The following CSGALNACT1 variants were observed in gnomAD, a reference collection of about 807,000 sequenced individuals.
CSGALNACT1 encodes chondroitin sulfate N-acetylgalactosaminyltransferase 1.
Under a neutral mutation model 51.0 loss-of-function variants are expected in CSGALNACT1, and 52 were observed. The ratio of observed to expected loss-of-function variants is 1.02; its 90% CI spans 0.82 to 1.29. The LOEUF is 1.29. CSGALNACT1 is among the 50% of genes most tolerant of loss of function. The pLI is 0.00. For synonymous variants in CSGALNACT1, 341 were observed against 254.4 expected (o/e 1.34, Z -3.24); for missense variants, 935 against 679.2 (o/e 1.38, Z -4.19).
At chr8:19,655,350 A>G (rs2058166922) in intron 1 of CSGALNACT1, among the ~76,000 whole-genome samples, 1 of 151,856 alleles carries the variant, frequency 6.6e-6, no homozygotes, top group Admixed American at 6.6e-5. Context: ...GCACCTTCCT[A>G]TTTGCTAGTT....
intron 1 of CSGALNACT1, among the ~76,000 whole-genome samples, chr8:19,674,133 C>T (rs777721676): frequency 2.0e-5 from 3 of 151,974 alleles, no homozygotes; most frequent in East Asian, 1.9e-4. Context: ...ACTAAAAATA[C>T]GAAAAAAGAA....
At chr8:19,571,474 A>AAAAAC (rs896485777) in intron 3 of CSGALNACT1, among the ~76,000 whole-genome samples, 1 of 123,972 alleles carries the variant, frequency 8.1e-6, no homozygotes, top group African/African-American at 4.4e-5. Context: ...AAACAAAAAC[A>AAAAAC]AAAAAAAAAA....
intron 3 of CSGALNACT1, among the ~76,000 whole-genome samples, chr8:19,525,110 T>A (rs974857681): frequency 6.6e-6 from 1 of 152,230 alleles, no homozygotes; most frequent in South Asian, 2.1e-4. Flanking sequence ...CCCTTCAGTA[T>A]GGAAACTTTG....
intron 4 of CSGALNACT1, among the ~76,000 whole-genome samples, chr8:19,496,092 G>A (rs1044436021): frequency 4.6e-5 from 7 of 152,140 alleles, no homozygotes; most frequent in African/African-American, 1.7e-4. Flanking sequence ...GGAGCAGTAT[G>A]CTTGTTAACT....
At chr8:19,515,262 C>T (rs369234991) in intron 3 of CSGALNACT1, among the ~76,000 whole-genome samples, 1 of 152,158 alleles carries the variant, frequency 6.6e-6, no homozygotes, top group African/African-American at 2.4e-5. Context: ...ACCAAACTGC[C>T]GGGACTCCAC....
chr8:19,583,797 CA>C (rs1412775797), intron 3 of CSGALNACT1, among the ~76,000 whole-genome samples: 2 of 152,124 alleles, frequency 1.3e-5, no homozygotes, highest in African/African-American at 4.8e-5. Flanking sequence ...GAACTGCCAA[CA>C]AAAAAATAAT....
chr8:19,450,653 T>C (rs919201673), intron 5 of CSGALNACT1, among the ~76,000 whole-genome samples: 6 of 151,964 alleles, frequency 3.9e-5, no homozygotes, highest in African/African-American at 1.5e-4. Context: ...TCCCAACACT[T>C]TGGGAGGCTG....
At chr8:19,678,017 G>A (rs1310508516) in intron 1 of CSGALNACT1, among the ~76,000 whole-genome samples, 2 of 152,034 alleles carry the variant, frequency 1.3e-5, no homozygotes, top group East Asian at 3.9e-4. Context: ...TTGGGAGGCT[G>A]ACATGCTTGA....
chr8:19,660,309 T>G (rs2058650716), intron 1 of CSGALNACT1, among the ~76,000 whole-genome samples: 1 of 152,046 alleles, frequency 6.6e-6, no homozygotes, highest in Admixed American at 6.5e-5. Flanking sequence ...CAAACTTGAG[T>G]TACAGTCCAA....
At chr8:19,682,374 C>T in intron 1 of CSGALNACT1, 1 of 321,136 alleles carries the variant, frequency 3.1e-6, no homozygotes, top group Non-Finnish European at 6.2e-6. Context: ...CTTCCTAGGG[C>T]TCTTCTTAAT....
chr8:19,495,891 A>C (rs1398976287), intron 4 of CSGALNACT1, among the ~76,000 whole-genome samples: 1 of 152,198 alleles, frequency 6.6e-6, no homozygotes, highest in Non-Finnish European at 1.5e-5. Flanking sequence ...AAGGAACAAG[A>C]TATTACCTTT....
intron 4 of CSGALNACT1, among the ~76,000 whole-genome samples, chr8:19,503,549 C>T (rs907338174): frequency 2.6e-5 from 4 of 151,920 alleles, no homozygotes; most frequent in Admixed American, 6.6e-5. Context: ...TAGCACACCC[C>T]AGGGAGAGTG....
chr8:19,613,741 G>C (rs2052619895), intron 1 of CSGALNACT1, among the ~76,000 whole-genome samples: 1 of 152,152 alleles, frequency 6.6e-6, no homozygotes, highest in Admixed American at 6.5e-5. Flanking sequence ...TATTATAAAT[G>C]GCTCTCCAAA....
intron 1 of CSGALNACT1, among the ~76,000 whole-genome samples, chr8:19,637,168 T>C (rs1414846455): frequency 6.6e-6 from 1 of 152,092 alleles, no homozygotes; most frequent in Middle Eastern, 3.2e-3. Context: ...ATCGCACCAT[T>C]GCACTCCAGC....
chr8:19,460,580 G>A (rs2065142876), intron 4 of CSGALNACT1, among the ~76,000 whole-genome samples: 1 of 152,110 alleles, frequency 6.6e-6, no homozygotes, highest in Admixed American at 6.5e-5. Context: ...TCACTGACTG[G>A]CTACAGAAAT....
At chr8:19,669,099 C>T (rs1183618034) in intron 1 of CSGALNACT1, among the ~76,000 whole-genome samples, 5 of 152,170 alleles carry the variant, frequency 3.3e-5, no homozygotes, top group African/African-American at 9.7e-5. Flanking sequence ...GGAGTCTAGA[C>T]ATGTGGATTT....
upstream of CSGALNACT1, chr8:19,602,837 G>A (rs1419881118): frequency 6.6e-6 from 1 of 152,122 alleles, no homozygotes; most frequent in African/African-American, 2.4e-5. Context: ...AGCCCTTCCA[G>A]TTAATTTCAT....
At chr8:19,594,496 A>G (rs1465235304) in intron 2 of CSGALNACT1, among the ~76,000 whole-genome samples, 1 of 152,206 alleles carries the variant, frequency 6.6e-6, no homozygotes, top group East Asian at 1.9e-4. Flanking sequence ...ACCATTTACC[A>G]AAGAAAGAAC....
intron 4 of CSGALNACT1, among the ~76,000 whole-genome samples, chr8:19,502,343 T>G (rs1430703553): frequency 6.6e-6 from 1 of 152,202 alleles, no homozygotes; most frequent in Non-Finnish European, 1.5e-5. Flanking sequence ...CTCTTGTTGG[T>G]GGATTAGGAA....
Sources: allele counts gnomAD v4.1 joint callset (sites outside exome capture counted in the v4.1 genomes callset), GRCh38; gene constraint gnomAD v4.1.1; transcripts MANE v1.5; gene names NCBI Gene and HGNC (gene_info 2026-07-23, HGNC 2026-07-21).